The following TIMMDC1 variants were observed in gnomAD, a reference collection of about 807,000 sequenced individuals.
TIMMDC1 encodes the protein complex I assembly factor TIMMDC1, mitochondrial.
In TIMMDC1, 25 loss-of-function variants were observed where a neutral mutation model predicts 32.6. The observed-to-expected ratio is 0.77, with a 90% CI of 0.56 to 1.07. TIMMDC1 has a LOEUF of 1.07. TIMMDC1 is among the 50% of genes least tolerant of loss of function. The pLI, the probability that TIMMDC1 is intolerant of heterozygous loss-of-function variation, is 0.00. For missense variants in TIMMDC1, 329 were observed against 349.2 expected (o/e 0.94, Z 0.46); for synonymous variants, 130 against 127.6 (o/e 1.02, Z -0.13).
At chr3:119,501,903 A>T (rs76518869) in intron 2 of TIMMDC1, among the ~76,000 whole-genome samples, 1,703 of 152,246 alleles carry the variant, frequency 0.011, 31 homozygotes, top group African/African-American at 0.039. Flanking sequence ...GACTGCATTC[A>T]GACTATGTTT....
rs141700217 is a variant in TIMMDC1, at chr3:119,501,241, CGTTT to C, written c.360+385_360+388del. Among the ~76,000 whole-genome samples, 1,250 of 152,292 alleles carry C rather than the reference CGTTT, an allele frequency of 8.2e-3. 7 individuals are homozygous for C. Among genetic ancestry groups the C allele is most frequent in the African/African-American group, 0.029 (1,196 of 41,556 alleles). On this transcript the variant is annotated intron_variant, in intron 2 of 6. Transcript: ENST00000494664. ...TTTATAACTTTATAGAGTGCTAACT[CGTTT>C]GTTACATCATTAGATCTGTACATCA...
At chr3:119,512,704 AAATG>A (rs2081962004) in intron 4 of TIMMDC1, among the ~76,000 whole-genome samples, 1 of 152,204 alleles carries the variant, frequency 6.6e-6, no homozygotes, top group Non-Finnish European at 1.5e-5. Flanking sequence ...AAAATTTTAA[AAATG>A]AATATATAGT....
intron 6 of TIMMDC1, among the ~76,000 whole-genome samples, chr3:119,523,052 G>A (rs1035303778): frequency 6.6e-6 from 1 of 152,106 alleles, no homozygotes; most frequent in Non-Finnish European, 1.5e-5. Context: ...ATCACTTAAG[G>A]AAGACACTAA....
intron 4 of TIMMDC1, among the ~76,000 whole-genome samples, chr3:119,505,327 A>G (rs962386503): frequency 5.3e-5 from 8 of 152,040 alleles, no homozygotes; most frequent in Non-Finnish European, 1.2e-4. Context: ...ACATTCTTTT[A>G]TGTACAACAC....
chr3:119,520,787 C>T (rs2082021031), intron 6 of TIMMDC1, among the ~76,000 whole-genome samples: 1 of 152,096 alleles, frequency 6.6e-6, no homozygotes, highest in African/African-American at 2.4e-5. Context: ...CATTAAACAA[C>T]AACAACAACA....
Position 119,498,883 on chromosome 3 carries a change from C to T in TIMMDC1, c.150C>T (p.Tyr50=). 6.2e-7 allele frequency: 1 copy of T among 1,614,028 alleles called. No individual in the cohort carries two copies. ...KRLPYVPEPY[Y]PESGWDRLRE... is the part of the protein sequence containing the mutation. ...TTCCCTACGTCCCAGAGCCCTATTA[C>T]CCGGAATCTGGATGGGACCGCCTCC... The change falls in exon 1 of 7, where the codon TAC becomes TAT. Residue 50 remains tyrosine, a synonymous_variant. Coordinates refer to ENST00000494664, the MANE Select transcript of TIMMDC1 (RefSeq NM_016589.4).
At chr3:119,504,155 A>C in intron 4 of TIMMDC1, 134 bp downstream of exon 4, 1 of 660,490 alleles carries the variant, frequency 1.5e-6, no homozygotes, top group Non-Finnish European at 2.7e-6. Flanking sequence ...TGCAAAATGT[A>C]TTTATGGACA....
At chr3:119,521,262 A>G (rs889466149) in intron 6 of TIMMDC1, among the ~76,000 whole-genome samples, 1 of 152,162 alleles carries the variant, frequency 6.6e-6, no homozygotes, top group South Asian at 2.1e-4. Flanking sequence ...AAAGAAATAA[A>G]GGGCATTGGA....
intron 4 of TIMMDC1, among the ~76,000 whole-genome samples, chr3:119,504,941 G>C (rs1009320647): frequency 6.6e-6 from 1 of 152,086 alleles, no homozygotes; most frequent in Non-Finnish European, 1.5e-5. Flanking sequence ...AGCTGGGTGT[G>C]GTGGCAGGTG....
chr3:119,522,986 T>C (rs1428451568), intron 6 of TIMMDC1, among the ~76,000 whole-genome samples: 1 of 152,150 alleles, frequency 6.6e-6, no homozygotes, highest in Non-Finnish European at 1.5e-5. Flanking sequence ...TATAGAGATA[T>C]AGAAGAACAA....
intron 4 of TIMMDC1, among the ~76,000 whole-genome samples, chr3:119,511,476 TAAAAAAA>T (rs1044633824): frequency 7.2e-6 from 1 of 139,288 alleles, no homozygotes; most frequent in Non-Finnish European, 1.6e-5. Context: ...GACTCCATCT[TAAAAAAA>T]AAAAGAAAAA....
intron 4 of TIMMDC1, among the ~76,000 whole-genome samples, chr3:119,508,737 G>T (rs1033986028): frequency 2.0e-5 from 3 of 152,172 alleles, no homozygotes; most frequent in Non-Finnish European, 4.4e-5. Context: ...TTGGGATCTT[G>T]CCTTGCTCTC....
At chr3:119,516,729 T>C (rs987776871) in intron 5 of TIMMDC1, among the ~76,000 whole-genome samples, 1 of 152,182 alleles carries the variant, frequency 6.6e-6, no homozygotes. Context: ...CTTCAGGATA[T>C]TTTGGTGGTC....
At chr3:119,506,518 CAA>C (rs202052248) in intron 4 of TIMMDC1, among the ~76,000 whole-genome samples, 14 of 112,794 alleles carry the variant, frequency 1.2e-4, no homozygotes, top group Admixed American at 1.9e-4. Flanking sequence ...GACCCTGTCT[CAA>C]AAAAAAAAAA....
intron 4 of TIMMDC1, among the ~76,000 whole-genome samples, chr3:119,512,440 G>C (rs979698014): frequency 3.6e-4 from 54 of 151,790 alleles, no homozygotes; most frequent in African/African-American, 1.2e-3. Flanking sequence ...CGCCATGCCC[G>C]GCTAATTTTT....
At chr3:119,519,762 G>A (rs1441265477) in intron 6 of TIMMDC1, among the ~76,000 whole-genome samples, 1 of 152,080 alleles carries the variant, frequency 6.6e-6, no homozygotes, top group Admixed American at 6.5e-5. Context: ...AGATCAAATG[G>A]ATCTAGCAGA....
Position 119,498,931 on chromosome 3 carries a change from A to T in TIMMDC1, c.194+4A>T. 1 of 1,613,952 alleles carries T rather than the reference A, an allele frequency of 6.2e-7. No individual in the cohort carries two copies. Among genetic ancestry groups the T allele is most frequent in the Non-Finnish European group, 8.5e-7 (1 of 1,179,866 alleles). On this transcript the variant is annotated splice_donor_region_variant and intron_variant, in intron 1 of 6. Coordinates refer to ENST00000494664, the MANE Select transcript of TIMMDC1 (RefSeq NM_016589.4). ...TCCGGGAGCTGTTTGGCAAAGAGTA[A>T]AAGTGCCTAGGGTGTGAAGTGGGGT...
intron 5 of TIMMDC1, among the ~76,000 whole-genome samples, chr3:119,516,370 T>G (rs2081985483): frequency 6.6e-6 from 1 of 152,242 alleles, no homozygotes; most frequent in South Asian, 2.1e-4. Flanking sequence ...GACTAGCTTA[T>G]TTACTTAGCA....
At chr3:119,522,223 CATA>C (rs1437327838) in intron 6 of TIMMDC1, among the ~76,000 whole-genome samples, 6 of 152,200 alleles carry the variant, frequency 3.9e-5, no homozygotes, top group African/African-American at 1.2e-4. Flanking sequence ...ACTATTCAGC[CATA>C]ATAAAGAATG....
Sources: allele counts gnomAD v4.1 joint callset (sites outside exome capture counted in the v4.1 genomes callset), GRCh38; gene constraint gnomAD v4.1.1; transcripts MANE v1.5; gene names NCBI Gene and HGNC (gene_info 2026-07-23, HGNC 2026-07-21).